Variants in ENOX1 observed in about 807,000 individuals in gnomAD.
The protein encoded by ENOX1 is ecto-NOX disulfide-thiol exchanger 1.
A neutral mutation model predicts 82.5 loss-of-function variants in ENOX1; 42 were observed. The observed-to-expected ratio is 0.51, with a 90% CI of 0.40 to 0.66. The LOEUF (loss-of-function observed/expected upper bound fraction) is 0.66, where lower values mean the gene tolerates loss of function less well. Among genes scored for constraint, ENOX1 ranks in the 30% least tolerant of loss-of-function variants. ENOX1 has a pLI of 0.00. For missense variants in ENOX1, 608 were observed against 811.6 expected (o/e 0.75, Z 3.05); for synonymous variants, 271 against 282.2 (o/e 0.96, Z 0.40).
chr13:43,755,056 C>A (rs1342026439), intron 1 of ENOX1, among the ~76,000 whole-genome samples: 2 of 148,142 alleles, frequency 1.4e-5, no homozygotes, highest in Admixed American at 1.4e-4. Flanking sequence ...CTTCAATTCA[C>A]CAGAATTCTA....
At chr13:43,550,010 C>T (rs778622537) in intron 2 of ENOX1, among the ~76,000 whole-genome samples, 33 of 152,180 alleles carry the variant, frequency 2.2e-4, no homozygotes, top group Non-Finnish European at 4.0e-4. Context: ...ACTGTTCTAC[C>T]TCAGATCATA....
At chr13:43,276,318 G>T (rs971969785) in intron 12 of ENOX1, among the ~76,000 whole-genome samples, 1 of 152,110 alleles carries the variant, frequency 6.6e-6, no homozygotes, top group Non-Finnish European at 1.5e-5. Flanking sequence ...TCCTGCCTCT[G>T]TAACCCTGTT....
intron 2 of ENOX1, among the ~76,000 whole-genome samples, chr13:43,497,212 T>G (rs1290769406): frequency 6.6e-6 from 1 of 152,170 alleles, no homozygotes; most frequent in African/African-American, 2.4e-5. Flanking sequence ...TTTGACTTGC[T>G]GTCTCCAAAT....
At chr13:43,771,375 C>T (rs1951592398) in intron 1 of ENOX1, among the ~76,000 whole-genome samples, 2 of 152,084 alleles carry the variant, frequency 1.3e-5, no homozygotes, top group African/African-American at 4.8e-5. Flanking sequence ...CTAACCCACC[C>T]ATCAGTAAAG....
intron 2 of ENOX1, among the ~76,000 whole-genome samples, chr13:43,568,918 T>C (rs2080045996): frequency 6.6e-6 from 1 of 152,126 alleles, no homozygotes; most frequent in Non-Finnish European, 1.5e-5. Flanking sequence ...GGTGAGAAAG[T>C]ACAACTTAAT....
At chr13:43,442,666 T>C (rs191349264) in intron 3 of ENOX1, among the ~76,000 whole-genome samples, 38 of 152,326 alleles carry the variant, frequency 2.5e-4, no homozygotes, top group African/African-American at 8.9e-4. Context: ...CTTTGGACAA[T>C]AAGTGTTTCA....
intron 9 of ENOX1, among the ~76,000 whole-genome samples, chr13:43,329,225 C>A (rs2048288834): frequency 1.3e-5 from 2 of 152,088 alleles, no homozygotes; most frequent in African/African-American, 4.8e-5. Context: ...CAAGAGAGAC[C>A]ATGTATGCTA....
At chr13:43,668,598 G>C (rs942720029) in intron 1 of ENOX1, among the ~76,000 whole-genome samples, 20 of 152,272 alleles carry the variant, frequency 1.3e-4, no homozygotes, top group Admixed American at 6.5e-5. Flanking sequence ...ATTGAAGATA[G>C]ACATTATTTG....
At chr13:43,709,490 C>G (rs1162672389) in intron 1 of ENOX1, among the ~76,000 whole-genome samples, 1 of 151,544 alleles carries the variant, frequency 6.6e-6, no homozygotes, top group Non-Finnish European at 1.5e-5. Flanking sequence ...ACAGTCAACA[C>G]AAGAATCTGC....
At chr13:43,326,570 T>C (rs781324113) in intron 9 of ENOX1, 45 bp from the exon 10 acceptor site, 2 of 1,511,318 alleles carry the variant, frequency 1.3e-6, no homozygotes, top group Non-Finnish European at 1.8e-6. Context: ...ATTTATGTTG[T>C]GATCACTATA....
intron 2 of ENOX1, 109 bp downstream of exon 2, chr13:43,667,370 T>A: frequency 1.3e-6 from 1 of 753,630 alleles, no homozygotes. Flanking sequence ...CAGATATAAC[T>A]AAGACACACA....
intron 2 of ENOX1, among the ~76,000 whole-genome samples, chr13:43,528,894 C>T (rs1184874894): frequency 6.6e-6 from 1 of 152,086 alleles, no homozygotes; most frequent in East Asian, 1.9e-4. Flanking sequence ...AATCTGAAGG[C>T]ACAAATCTGT....
At chr13:43,509,876 C>T (rs1179159949) in intron 2 of ENOX1, among the ~76,000 whole-genome samples, 3 of 152,002 alleles carry the variant, frequency 2.0e-5, no homozygotes, top group East Asian at 1.9e-4. Context: ...CCCCAACACC[C>T]ACCCTTTCCT....
At chr13:43,341,327 C>A (rs2049045997) in intron 9 of ENOX1, among the ~76,000 whole-genome samples, 2 of 151,076 alleles carry the variant, frequency 1.3e-5, no homozygotes, top group African/African-American at 4.9e-5. Flanking sequence ...GCAGTGATGG[C>A]AAATCTACTA....
intron 13 of ENOX1, among the ~76,000 whole-genome samples, chr13:43,267,424 G>A (rs1027905397): frequency 7.2e-5 from 11 of 152,334 alleles, no homozygotes; most frequent in African/African-American, 2.2e-4. Context: ...TGGGGCCTGA[G>A]GGTGGGAAAG....
At chr13:43,374,915 A>G (rs2051511966) in intron 5 of ENOX1, among the ~76,000 whole-genome samples, 1 of 152,166 alleles carries the variant, frequency 6.6e-6, no homozygotes. Context: ...GCAGAGGGGG[A>G]AAAGCAGGAT....
At chr13:43,707,536 C>T (rs771537709) in intron 1 of ENOX1, among the ~76,000 whole-genome samples, 3 of 151,928 alleles carry the variant, frequency 2.0e-5, no homozygotes, top group Non-Finnish European at 4.4e-5. Flanking sequence ...GAGATCGAGA[C>T]CATCTGGCCA....
chr13:43,516,845 G>T (rs757525999), intron 2 of ENOX1, among the ~76,000 whole-genome samples: 13 of 152,094 alleles, frequency 8.5e-5, no homozygotes, highest in Non-Finnish European at 1.8e-4. Flanking sequence ...CAGAATATTA[G>T]CTTCCCCATT....
chr13:43,267,945 GT>G (rs2044476816), intron 13 of ENOX1, among the ~76,000 whole-genome samples: 1 of 151,926 alleles, frequency 6.6e-6, no homozygotes, highest in South Asian at 2.1e-4. Context: ...TCTTCTTCAC[GT>G]TCTCTTTTTT....
Sources: gnomAD v4.1 joint callset for allele counts (sites outside exome capture counted in the v4.1 genomes callset) on GRCh38, gnomAD v4.1.1 for gene constraint, MANE v1.5 for transcripts, NCBI Gene and HGNC (gene_info 2026-07-23, HGNC 2026-07-21) for gene names.